LHFPL3: variants seen among roughly 807,000 people sequenced by gnomAD.
LHFPL3 encodes LHFPL tetraspan subfamily member 3 protein.
Under a neutral mutation model 19.3 loss-of-function variants are expected in LHFPL3, and 5 were observed. That is an observed-to-expected ratio of 0.26 (90% CI 0.14 to 0.54). The LOEUF (loss-of-function observed/expected upper bound fraction) is 0.54, where lower values mean the gene tolerates loss of function less well. LHFPL3 is among the 20% of genes least tolerant of loss of function. The probability of loss-of-function intolerance (pLI) is 0.94; values close to 1 mark genes in which losing one functional copy is unlikely to be tolerated. For missense variants in LHFPL3, 249 were observed against 307.4 expected (o/e 0.81, Z 1.42); for synonymous variants, 133 against 126.2 (o/e 1.05, Z -0.36).
intron 1 of LHFPL3, among the ~76,000 whole-genome samples, chr7:104,403,455 A>G (rs1157950267): frequency 6.6e-6 from 1 of 152,244 alleles, no homozygotes; most frequent in Non-Finnish European, 1.5e-5. Flanking sequence ...GCCACTGTGT[A>G]CATAGTAGGC....
rs202209242 is a variant in LHFPL3 at position 104,367,016 on chromosome 7, AT to A, written c.445+37794del. Among the ~76,000 whole-genome samples the A allele has an allele frequency of 4.9e-3, 749 of 152,210 alleles. 7 individuals carry two copies. The highest frequency in any genetic ancestry group is 0.017 in the African/African-American group (702 of 41,540). On this transcript the variant is annotated intron_variant, in intron 1 of 2. Coordinates refer to ENST00000424859, the MANE Select transcript of LHFPL3 (RefSeq NM_199000.3). Reference sequence around the variant, plus strand: ...GATAATACTTCGCAGCTTACTTATGATTGTCCTGAAGCATGTTTTCTAAATG... The same window carrying A: ...GATAATACTTCGCAGCTTACTTATGATGTCCTGAAGCATGTTTTCTAAATG...
chr7:104,350,144 A>T (rs1790145050), intron 1 of LHFPL3, among the ~76,000 whole-genome samples: 1 of 152,214 alleles, frequency 6.6e-6, no homozygotes, highest in African/African-American at 2.4e-5. Context: ...CCAGTATAGT[A>T]GCCTGTCACC....
intron 1 of LHFPL3, among the ~76,000 whole-genome samples, chr7:104,554,853 C>G (rs1293722246): frequency 6.6e-6 from 1 of 152,174 alleles, no homozygotes; most frequent in South Asian, 2.1e-4. Context: ...AACTCTCAGT[C>G]CAACCCTGAA....
At chr7:104,682,710 T>A (rs191446684) in intron 1 of LHFPL3, among the ~76,000 whole-genome samples, 1 of 152,262 alleles carries the variant, frequency 6.6e-6, no homozygotes, top group African/African-American at 2.4e-5. Flanking sequence ...TATTTGCAAG[T>A]TTATTTTTAT....
At chr7:104,703,501 A>G (rs1478949711) in intron 1 of LHFPL3, among the ~76,000 whole-genome samples, 1 of 152,218 alleles carries the variant, frequency 6.6e-6, no homozygotes, top group African/African-American at 2.4e-5. Context: ...ATCTTTTGTC[A>G]GTAGCTAAGC....
intron 1 of LHFPL3, among the ~76,000 whole-genome samples, chr7:104,395,731 AT>A (rs1447594402): frequency 6.6e-6 from 1 of 152,206 alleles, no homozygotes; most frequent in African/African-American, 2.4e-5. Flanking sequence ...ATGCAAATAA[AT>A]TTCCTCAGCC....
At chr7:104,661,040 T>G (rs1792215644) in intron 1 of LHFPL3, among the ~76,000 whole-genome samples, 1 of 152,120 alleles carries the variant, frequency 6.6e-6, no homozygotes, top group African/African-American at 2.4e-5. Flanking sequence ...CAACTAACCT[T>G]CTTAATGGGA....
At chr7:104,566,647 C>T (rs17138713) in intron 1 of LHFPL3, among the ~76,000 whole-genome samples, 10,068 of 152,162 alleles carry the variant, frequency 0.066, 511 homozygotes, top group African/African-American at 0.15. Context: ...GTTGACACCC[C>T]TAGGCATCAT....
chr7:104,754,010 A>T (rs1156566461), intron 2 of LHFPL3, among the ~76,000 whole-genome samples: 1 of 152,152 alleles, frequency 6.6e-6, no homozygotes, highest in African/African-American at 2.4e-5. Context: ...ACACCCAGGA[A>T]ATTTCTCACT....
chr7:104,566,595 C>T (rs1456930827), intron 1 of LHFPL3, among the ~76,000 whole-genome samples: 2 of 152,144 alleles, frequency 1.3e-5, no homozygotes, highest in African/African-American at 4.8e-5. Flanking sequence ...GAAGCCCGTA[C>T]CATGAGTCTG....
intron 1 of LHFPL3, among the ~76,000 whole-genome samples, chr7:104,660,222 C>T (rs146087857): frequency 7.9e-5 from 12 of 152,280 alleles, no homozygotes; most frequent in East Asian, 1.9e-4. Context: ...AGGATGGTCT[C>T]GATCTCCTGA....
At chr7:104,904,731 G>A (rs577102109) in intron 2 of LHFPL3, among the ~76,000 whole-genome samples, 1 of 151,964 alleles carries the variant, frequency 6.6e-6, no homozygotes, top group South Asian at 2.1e-4. Flanking sequence ...TTTCCTTTTG[G>A]CCCAAATATG....
At chr7:104,849,453 G>T (rs1172112454) in intron 2 of LHFPL3, among the ~76,000 whole-genome samples, 5 of 152,190 alleles carry the variant, frequency 3.3e-5, no homozygotes, top group African/African-American at 4.8e-5. Flanking sequence ...GGCTCCTGGG[G>T]GCTGGGTGGC....
At chr7:104,831,229 T>A (rs78502437) in intron 2 of LHFPL3, among the ~76,000 whole-genome samples, 1 of 151,906 alleles carries the variant, frequency 6.6e-6, no homozygotes, top group South Asian at 2.1e-4. Context: ...TTATTCTTAA[T>A]AAAATGTTAT....
intron 1 of LHFPL3, among the ~76,000 whole-genome samples, chr7:104,718,698 T>A (rs150801442): frequency 1.1e-4 from 17 of 152,328 alleles, no homozygotes; most frequent in African/African-American, 3.1e-4. Context: ...CAAAATTATT[T>A]CTCATAATAT....
rs1790354395 is a variant in LHFPL3 at position 104,359,691 on chromosome 7, C to T, written c.445+30467C>T. 4.6e-5 allele frequency among the ~76,000 whole-genome samples: 7 copies of T among 152,320 alleles called. No homozygotes were observed. In the South Asian group the frequency reaches 1.5e-3, roughly 32 times the overall value. On this transcript the variant is annotated intron_variant, in intron 1 of 2. Transcript: ENST00000424859. ...TAGCGGGGAGGAAATGGCACCAACACCCAGATAATGAGAATCAAGGGTAGA... is the reference window on the plus strand; with the variant it reads ...TAGCGGGGAGGAAATGGCACCAACATCCAGATAATGAGAATCAAGGGTAGA...
intron 1 of LHFPL3, among the ~76,000 whole-genome samples, chr7:104,681,744 A>C (rs1200220596): frequency 1.3e-5 from 2 of 152,236 alleles, no homozygotes; most frequent in African/African-American, 4.8e-5. Flanking sequence ...TAACTTGCCT[A>C]AATCACATAG....
At chr7:104,339,148 C>T (rs866226884) in intron 1 of LHFPL3, among the ~76,000 whole-genome samples, 21 of 151,766 alleles carry the variant, frequency 1.4e-4, no homozygotes, top group Middle Eastern at 3.4e-3. Context: ...CTCGGGAGGC[C>T]GAGATAGGAG....
intron 2 of LHFPL3, among the ~76,000 whole-genome samples, chr7:104,777,638 T>C (rs1486986736): frequency 6.6e-6 from 1 of 152,214 alleles, no homozygotes; most frequent in Non-Finnish European, 1.5e-5. Context: ...AGTGCCTGAT[T>C]GCCAGCACTA....
Sources: allele counts gnomAD v4.1 joint callset (sites outside exome capture counted in the v4.1 genomes callset), GRCh38; gene constraint gnomAD v4.1.1; transcripts MANE v1.5; gene names NCBI Gene and HGNC (gene_info 2026-07-23, HGNC 2026-07-21).